Variants in EXT1 observed in about 807,000 individuals in gnomAD.
The protein encoded by EXT1 is exostosin glycosyltransferase 1, also known as exostosin-1.
EXT1 carries 20 observed loss-of-function variants against 82.5 expected under a neutral mutation model. The ratio of observed to expected loss-of-function variants is 0.24; its 90% CI spans 0.17 to 0.35. EXT1 has a LOEUF of 0.35. Ranked by LOEUF, EXT1 falls within the 10% of genes least tolerant of loss-of-function variation. EXT1 has a pLI of 1.00. For missense variants in EXT1, 757 were observed against 936.5 expected, an observed-to-expected ratio of 0.81 and a Z score of 2.50; for synonymous variants, 348 against 350.8, an observed-to-expected ratio of 0.99 and a Z score of 0.09.
intron 8 of EXT1, among the ~76,000 whole-genome samples, chr8:117,810,743 A>G (rs1406448475): frequency 3.3e-5 from 5 of 152,082 alleles, no homozygotes; most frequent in Non-Finnish European, 7.4e-5. Flanking sequence ...TCCAAAATCC[A>G]CTATCCACTC....
At chr8:117,853,468 G>A (rs895839067) in intron 1 of EXT1, among the ~76,000 whole-genome samples, 8 of 152,122 alleles carry the variant, frequency 5.3e-5, no homozygotes, top group African/African-American at 1.9e-4. Flanking sequence ...TCACGTGTCT[G>A]GATGGATAAA....
chr8:117,801,660 C>G (rs1823168588), intron 10 of EXT1, among the ~76,000 whole-genome samples: 1 of 152,166 alleles, frequency 6.6e-6, no homozygotes, highest in Admixed American at 6.5e-5. Flanking sequence ...TGCACACCAC[C>G]ATGCATGGCT....
chr8:117,957,202 C>T (rs1814605398), intron 1 of EXT1, among the ~76,000 whole-genome samples: 2 of 152,164 alleles, frequency 1.3e-5, no homozygotes, highest in South Asian at 4.1e-4. Context: ...AGCAGAAGAT[C>T]TCATGTGTGT....
intron 7 of EXT1, among the ~76,000 whole-genome samples, chr8:117,816,927 A>G (rs1171771294): frequency 6.6e-6 from 1 of 152,186 alleles, no homozygotes; most frequent in East Asian, 1.9e-4. Flanking sequence ...CCTGCCTCTG[A>G]GTACTGTTCA....
chr8:118,066,224 G>A (rs1212048872), intron 1 of EXT1, among the ~76,000 whole-genome samples: 2 of 152,076 alleles, frequency 1.3e-5, no homozygotes, highest in African/African-American at 2.4e-5. Context: ...TACTCAACAT[G>A]AAGACAATGA....
At chr8:118,033,656 T>C (rs527283796) in intron 1 of EXT1, among the ~76,000 whole-genome samples, 2 of 152,050 alleles carry the variant, frequency 1.3e-5, no homozygotes, top group Non-Finnish European at 2.9e-5. Context: ...TTTTTTGGTT[T>C]TTGTAGAGAC....
intron 1 of EXT1, among the ~76,000 whole-genome samples, chr8:118,020,160 G>T (rs1816075878): frequency 6.6e-6 from 1 of 152,188 alleles, no homozygotes; most frequent in Admixed American, 6.5e-5. Flanking sequence ...AAAAATGCTT[G>T]TCTGGAAAGG....
At chr8:117,958,399 A>G (rs946771968) in intron 1 of EXT1, among the ~76,000 whole-genome samples, 1 of 152,218 alleles carries the variant, frequency 6.6e-6, no homozygotes, top group Non-Finnish European at 1.5e-5. Context: ...TTCCCGAAAG[A>G]GCCAAACATG....
chr8:118,069,728 TTTTA>T (rs1326902587), intron 1 of EXT1, among the ~76,000 whole-genome samples: 2 of 152,126 alleles, frequency 1.3e-5, no homozygotes, highest in Non-Finnish European at 2.9e-5. Context: ...GGGTTTTTGT[TTTTA>T]TTTCTTTTTT....
intron 1 of EXT1, among the ~76,000 whole-genome samples, chr8:117,966,678 C>T (rs1814818140): frequency 6.6e-6 from 1 of 152,188 alleles, no homozygotes; most frequent in African/African-American, 2.4e-5. Context: ...CCAACTCTAC[C>T]ACAATCTACA....
At chr8:117,941,336 A>G (rs1021674104) in intron 1 of EXT1, among the ~76,000 whole-genome samples, 10 of 152,210 alleles carry the variant, frequency 6.6e-5, no homozygotes, top group African/African-American at 1.9e-4. Context: ...GGAAGATAAG[A>G]AAATCAGAGT....
chr8:117,919,633 T>G (rs563525745), intron 1 of EXT1, among the ~76,000 whole-genome samples: 1 of 151,910 alleles, frequency 6.6e-6, no homozygotes, highest in Admixed American at 6.6e-5. Context: ...CCCTCCCAAG[T>G]AGCTAGGACC....
intron 10 of EXT1, among the ~76,000 whole-genome samples, chr8:117,800,411 C>T (rs142200830): frequency 1.3e-5 from 2 of 152,208 alleles, no homozygotes; most frequent in Non-Finnish European, 2.9e-5. Context: ...CTACTAAATC[C>T]TTTGTTAAAA....
At chr8:118,053,429 A>C (rs762953319) in intron 1 of EXT1, among the ~76,000 whole-genome samples, 16 of 152,154 alleles carry the variant, frequency 1.1e-4, no homozygotes, top group Non-Finnish European at 1.9e-4. Context: ...TATAATCTGA[A>C]GATCTTTCAG....
At chr8:117,852,603 CACA>C (rs1317357248) in intron 1 of EXT1, among the ~76,000 whole-genome samples, 15 of 152,170 alleles carry the variant, frequency 9.9e-5, no homozygotes, top group Non-Finnish European at 5.9e-5. Context: ...TGCCAAGACC[CACA>C]ACATGAATTT....
intron 1 of EXT1, among the ~76,000 whole-genome samples, chr8:118,008,789 T>G (rs1289328490): frequency 6.6e-6 from 1 of 152,186 alleles, no homozygotes; most frequent in Non-Finnish European, 1.5e-5. Context: ...TTTTACTTTC[T>G]TCCTGCTTAA....
intron 1 of EXT1, among the ~76,000 whole-genome samples, chr8:117,887,706 T>G (rs777582865): frequency 5.2e-4 from 79 of 152,058 alleles, no homozygotes; most frequent in Non-Finnish European, 1.6e-4. Flanking sequence ...TTATCTGACC[T>G]CTCTTTTTGA....
intron 1 of EXT1, among the ~76,000 whole-genome samples, chr8:118,055,302 C>A (rs866012422): frequency 4.6e-5 from 7 of 152,304 alleles, no homozygotes; most frequent in Middle Eastern, 3.4e-3. Context: ...TCCATGTCAG[C>A]ATGTATCAAT....
intron 1 of EXT1, among the ~76,000 whole-genome samples, chr8:117,846,561 G>T (rs1015728217): frequency 2.0e-5 from 3 of 152,184 alleles, no homozygotes; most frequent in Non-Finnish European, 2.9e-5. Context: ...GCAGGGAGGG[G>T]GTGCAGGGGG....
Sources: gnomAD v4.1 joint callset for allele counts (sites outside exome capture counted in the v4.1 genomes callset) on GRCh38, gnomAD v4.1.1 for gene constraint, MANE v1.5 for transcripts, NCBI Gene and HGNC (gene_info 2026-07-23, HGNC 2026-07-21) for gene names.